Variants in SLC6A6 observed in about 807,000 individuals in gnomAD.
SLC6A6 encodes the protein sodium- and chloride-dependent taurine transporter.
SLC6A6 carries 16 observed loss-of-function variants against 68.8 expected under a neutral mutation model. That is an observed-to-expected ratio of 0.23 (90% confidence interval 0.16 to 0.35). The LOEUF (loss-of-function observed/expected upper bound fraction) is 0.35, where lower values mean the gene tolerates loss of function less well. Among genes scored for constraint, SLC6A6 ranks in the 10% least tolerant of loss-of-function variants. The pLI is 1.00. For missense variants in SLC6A6, 474 were observed against 802.8 expected, an observed-to-expected ratio of 0.59 and a Z score of 4.95; for synonymous variants, 312 against 315.4, an observed-to-expected ratio of 0.99 and a Z score of 0.12.
intron 3 of SLC6A6, chr3:14,444,074 G>A (rs1214976846): frequency 1.8e-6 from 1 of 547,618 alleles, no homozygotes; most frequent in Non-Finnish European, 3.3e-6. Context: ...TGTTCTGCAG[G>A]GCCTTTCTGT....
intron 14 of SLC6A6, among the ~76,000 whole-genome samples, chr3:14,484,101 C>A (rs1002469733): frequency 1.3e-5 from 2 of 152,192 alleles, no homozygotes; most frequent in African/African-American, 4.8e-5. Context: ...ATTCAAGTCT[C>A]TGAGTTGACA....
chr3:14,409,559 G>A (rs1473142731), intron 1 of SLC6A6, among the ~76,000 whole-genome samples: 2 of 152,274 alleles, frequency 1.3e-5, no homozygotes, highest in Admixed American at 6.5e-5. Flanking sequence ...TGACCGCACG[G>A]CAAACGTTCA....
At position 14,472,192 on chromosome 3, in the gene SLC6A6, C is replaced by A; in HGVS notation, c.1097-13C>A. The stretch of plus-strand genomic sequence containing the variant: ...CCTCCCCTGTGCCCCTCCCCGTTTT[C>A]TTTCCTTTCTAGGTCCTGGCCTGGC... On this transcript the variant is annotated splice_polypyrimidine_tract_variant and intron_variant, in intron 9 of 14. Coordinates refer to ENST00000622186, the MANE Select transcript of SLC6A6 (RefSeq NM_003043.6). The surrounding 1 kb of genome is among the most constrained non-coding windows in gnomAD (Gnocchi z 4.5). The A allele has an allele frequency of 6.4e-7, 1 of 1,564,840 alleles. No individual in the cohort carries two copies. Among genetic ancestry groups the A allele is most frequent in the Non-Finnish European group, 8.8e-7 (1 of 1,136,882 alleles).
rs372501989 is a variant in SLC6A6 at position 14,449,833 on chromosome 3, C to T, written c.599+2017C>T. 2.7e-4 allele frequency among the ~76,000 whole-genome samples: 41 copies of T among 152,218 alleles called. No homozygotes were observed. The East Asian group carries it at 6.8e-3, about 25-fold the overall frequency. The stretch of plus-strand genomic sequence containing the variant: ...GTGGCGTGATCTCGGCTCACTGCAA[C>T]CTCCGACTCCCTGGTTCAAGCAATT... On this transcript the variant is annotated intron_variant, in intron 5 of 14. Coordinates refer to ENST00000622186, the MANE Select transcript of SLC6A6 (RefSeq NM_003043.6).
At chr3:14,466,710 C>G (rs1295062570) in intron 7 of SLC6A6, 60 bp downstream of exon 7, 1 of 1,515,656 alleles carries the variant, frequency 6.6e-7, no homozygotes, top group Non-Finnish European at 8.9e-7. Flanking sequence ...CGGCACAGGA[C>G]AGGGCAGGAT....
chr3:14,444,042 G>A (rs1700057215), intron 3 of SLC6A6, 179 bp downstream of exon 3: 1 of 591,900 alleles, frequency 1.7e-6, no homozygotes, highest in African/African-American at 1.9e-5. Context: ...CAGGGGATAA[G>A]CCCGACTGAG....
chr3:14,455,180 A>G (rs1700340659), intron 5 of SLC6A6, among the ~76,000 whole-genome samples: 1 of 152,242 alleles, frequency 6.6e-6, no homozygotes, highest in Non-Finnish European at 1.5e-5. Context: ...GGATGGCACC[A>G]TGAGGTCCTA....
chr3:14,467,103 C>T (rs1305617914), intron 7 of SLC6A6, among the ~76,000 whole-genome samples: 1 of 152,036 alleles, frequency 6.6e-6, no homozygotes, highest in South Asian at 2.1e-4. Flanking sequence ...GGGCAGATAC[C>T]GAAAGCACAC....
intron 1 of SLC6A6, among the ~76,000 whole-genome samples, chr3:14,414,527 T>A (rs1031038799): frequency 6.6e-6 from 1 of 151,936 alleles, no homozygotes; most frequent in Non-Finnish European, 1.5e-5. Flanking sequence ...TATTCTTTTT[T>A]TTTTCTTTTT....
rs757594922 is a variant in SLC6A6, at chr3:14,445,899, A to G, written c.364+48A>G. 4 of 1,601,938 alleles carry G rather than the reference A, an allele frequency of 2.5e-6. No individual in the cohort carries two copies. The South Asian group carries it at 4.4e-5, about 18-fold the overall frequency. On this transcript the variant is annotated intron_variant, in intron 4 of 14. Coordinates refer to ENST00000622186, the MANE Select transcript of SLC6A6 (RefSeq NM_003043.6). ...TTGGGGCCTGGCACTCATCAGTTCC[A>G]CACATTTTTATTGAGCACCTATTGT...
At chr3:14,445,951 A>G in intron 4 of SLC6A6, 100 bp downstream of exon 4, 1 of 1,200,272 alleles carries the variant, frequency 8.3e-7, no homozygotes, top group Non-Finnish European at 1.2e-6. Context: ...AGCCTCATGC[A>G]CATCACTTAG....
In SLC6A6 at chr3:14,445,861, G is replaced by A. The variant is rs762650268; in HGVS notation, c.364+10G>A. The A allele has an allele frequency of 1.2e-6, 2 of 1,613,958 alleles. No homozygotes were observed. The highest frequency in any genetic ancestry group is 1.7e-6 in the Non-Finnish European group (2 of 1,179,814). ...TGCCCCTTGTTCTCTGGTGAGTATG[G>A]GACGGAGGTCACTTGGGGCCTGGCA... is the stretch of plus-strand genomic sequence containing the variant. On this transcript the variant is annotated intron_variant, in intron 4 of 14. Transcript: ENST00000622186.
intron 2 of SLC6A6, among the ~76,000 whole-genome samples, chr3:14,426,799 C>G (rs538834798): frequency 1.7e-3 from 252 of 152,150 alleles, no homozygotes; most frequent in Non-Finnish European, 2.8e-3. Context: ...TGCCCTAGAG[C>G]TTCCTGCGGT....
Position 14,489,321 on chromosome 3 carries a change from A to G in SLC6A6, c.*4314A>G, listed in dbSNP as rs1398076450. The G allele has an allele frequency of 6.6e-6, 1 of 152,632 alleles. No individual in the cohort carries two copies. Among genetic ancestry groups the G allele is most frequent in the African/African-American group, 2.4e-5 (1 of 41,452 alleles). The allele number at this position is 152,632 out of a possible 1,614,324, so 9.5% of individuals were successfully genotyped here. ...GAGTTTGTAATCACCTTATAACATGAAAATAAACATTTCCTTTTTAACATC... is the reference window on the plus strand; with the variant it reads ...GAGTTTGTAATCACCTTATAACATGGAAATAAACATTTCCTTTTTAACATC... On this transcript the variant is annotated 3_prime_UTR_variant, in exon 15 of 15. Coordinates refer to ENST00000622186, the MANE Select transcript of SLC6A6 (RefSeq NM_003043.6).
chr3:14,434,605 A>G (rs1477436372), intron 2 of SLC6A6, among the ~76,000 whole-genome samples: 2 of 152,198 alleles, frequency 1.3e-5, no homozygotes, highest in Non-Finnish European at 2.9e-5. Flanking sequence ...CTTGGCCTGC[A>G]TGACCCAGCT....
chr3:14,475,043 T>A (rs1024409788), intron 10 of SLC6A6, among the ~76,000 whole-genome samples: 2 of 152,158 alleles, frequency 1.3e-5, no homozygotes, highest in Non-Finnish European at 2.9e-5. Context: ...GGTTTTTTGT[T>A]TGTTTTGAGA....
chr3:14,439,790 T>C (rs1025709054), intron 2 of SLC6A6, among the ~76,000 whole-genome samples: 1 of 152,072 alleles, frequency 6.6e-6, no homozygotes, highest in Non-Finnish European at 1.5e-5. Flanking sequence ...ACTGGCCTAA[T>C]TGCAAGTTTG....
In SLC6A6 at chr3:14,443,831, G is replaced by A. The variant is rs1195960775; in HGVS notation, c.197G>A (p.Arg66His). The change falls in exon 3 of 15, where the codon CGC (arginine) becomes CAC (histidine). Residue 66 changes from arginine (R) to histidine (H), a missense_variant. By Grantham distance (29) the Arg-to-His change is conservative (BLOSUM62 0). Around this residue, in one of 2 missense-constraint regions of SLC6A6, gnomAD observed 280 missense variants for 533.1 expected, o/e 0.53. Transcript: ENST00000622186. ...GGFVGLGNVW[R>H]FPYLCYKNGG... The stretch of plus-strand genomic sequence containing the variant: ...TTCGTGGGCTTGGGCAACGTCTGGC[G>A]CTTCCCGTACCTCTGCTACAAGAAT... 6.2e-7 allele frequency: 1 copy of A among 1,613,702 alleles called. No individual in the cohort carries two copies. The highest frequency in any genetic ancestry group is 1.3e-5 in the African/African-American group (1 of 74,916).
At chr3:14,403,069 G>A (rs1258320712) in intron 1 of SLC6A6, among the ~76,000 whole-genome samples, 1 of 149,508 alleles carries the variant, frequency 6.7e-6, no homozygotes, top group African/African-American at 2.5e-5. Flanking sequence ...TGGTGCGGGC[G>A]GCAGGAGAGT....
Sources: gnomAD v4.1 joint callset for allele counts (sites outside exome capture counted in the v4.1 genomes callset) on GRCh38, gnomAD v4.1.1 for gene constraint, gnomAD v4.1.1 regional missense constraint, Gnocchi (gnomAD v3.1) non-coding constraint, MANE v1.5 for transcripts, NCBI Gene and HGNC (gene_info 2026-07-23, HGNC 2026-07-21) for gene names.